ARID1B: variants seen among roughly 807,000 people sequenced by gnomAD.
The protein encoded by ARID1B is AT-rich interactive domain-containing protein 1B.
A neutral mutation model predicts 212.3 loss-of-function variants in ARID1B; 30 were observed. The ratio of observed to expected loss-of-function variants is 0.14; its 90% CI spans 0.11 to 0.19. The LOEUF (loss-of-function observed/expected upper bound fraction) is 0.19. ARID1B is among the 10% of genes least tolerant of loss of function. ARID1B has a pLI of 1.00. For synonymous variants in ARID1B, 1,402 were observed against 1,301.7 expected, an observed-to-expected ratio of 1.08 and a Z score of -1.66; for missense variants, 2,891 against 3,204.0, an observed-to-expected ratio of 0.90 and a Z score of 2.36.
chr6:156,838,924 A>T (rs1055395568), intron 2 of ARID1B, among the ~76,000 whole-genome samples: 2 of 152,098 alleles, frequency 1.3e-5, no homozygotes, highest in Non-Finnish European at 2.9e-5. Flanking sequence ...TTAGTATATT[A>T]CCTTGAGATT....
At chr6:157,188,134 A>C (rs1027802834) in intron 13 of ARID1B, among the ~76,000 whole-genome samples, 4 of 151,746 alleles carry the variant, frequency 2.6e-5, no homozygotes, top group African/African-American at 9.7e-5. Flanking sequence ...TGTATAACAA[A>C]CCCCCATGAC....
Position 156,955,936 on chromosome 6 carries a change from C to T in ARID1B, c.2247+20360C>T, listed in dbSNP as rs1793941607. Among the ~76,000 whole-genome samples the T allele has an allele frequency of 1.3e-5, 2 of 152,166 alleles. No individual in the cohort carries two copies. Among genetic ancestry groups the T allele is most frequent in the African/African-American group, 2.4e-5 (1 of 41,442 alleles). ...AAGCCGCGCCTGTTCTATTTCCTCACCTTCCTGTGTTCATCTGTGTATCTG... is the reference window on the plus strand; with the variant it reads ...AAGCCGCGCCTGTTCTATTTCCTCATCTTCCTGTGTTCATCTGTGTATCTG... On this transcript the variant is annotated intron_variant, in intron 4 of 19. Coordinates refer to ENST00000636930, the MANE Select transcript of ARID1B (RefSeq NM_001374828.1). This position sits in a 1 kb window ranked among gnomAD's most constrained non-coding sequence, Gnocchi z 4.2.
intron 2 of ARID1B, among the ~76,000 whole-genome samples, chr6:156,845,264 C>T (rs368815035): frequency 2.5e-4 from 38 of 152,332 alleles, no homozygotes; most frequent in African/African-American, 7.0e-4. Flanking sequence ...AGCCACCTGC[C>T]GCATTCTGCA....
intron 6 of ARID1B, among the ~76,000 whole-genome samples, chr6:157,117,329 T>G (rs559945386): frequency 6.6e-6 from 1 of 152,370 alleles, no homozygotes; most frequent in East Asian, 1.9e-4. Context: ...GCTGCTTCTG[T>G]TATTAACCCC....
At chr6:156,954,662 TTTTG>T (rs1465791976) in intron 4 of ARID1B, among the ~76,000 whole-genome samples, 1 of 152,204 alleles carries the variant, frequency 6.6e-6, no homozygotes, top group East Asian at 1.9e-4. Flanking sequence ...GAACTGTTTT[TTTTG>T]TTTGTTTTTT....
chr6:157,099,916 A>G (rs1296092881), intron 5 of ARID1B, among the ~76,000 whole-genome samples: 1 of 152,160 alleles, frequency 6.6e-6, no homozygotes, highest in Non-Finnish European at 1.5e-5. Flanking sequence ...GCTCGGGAGT[A>G]TCCAAGTCAG....
At chr6:156,979,658 A>G (rs11156125) in intron 4 of ARID1B, among the ~76,000 whole-genome samples, 28,973 of 151,356 alleles carry the variant, frequency 0.19, 3,057 homozygotes, top group East Asian at 0.4. Context: ...CCCAGGTTCA[A>G]GCGATTCTCC....
upstream of ARID1B, chr6:156,776,640 G>A (rs1033597506): frequency 3.3e-5 from 5 of 152,248 alleles, no homozygotes; most frequent in Non-Finnish European, 7.3e-5. Context: ...CCAAGTGCAT[G>A]TAAGAAAAAT....
At chr6:156,784,753 C>T (rs1430092527) in intron 1 of ARID1B, among the ~76,000 whole-genome samples, 1 of 152,054 alleles carries the variant, frequency 6.6e-6, no homozygotes. Context: ...TCTTTCCTTA[C>T]ATTTAGTTAT....
intron 3 of ARID1B, among the ~76,000 whole-genome samples, chr6:156,924,394 T>C (rs1186781675): frequency 6.6e-6 from 1 of 152,244 alleles, no homozygotes; most frequent in Admixed American, 6.5e-5. Context: ...GTTTACAGCT[T>C]CTCTTTGGCT....
chr6:156,877,051 G>A (rs1423332433), intron 2 of ARID1B, among the ~76,000 whole-genome samples: 1 of 151,962 alleles, frequency 6.6e-6, no homozygotes, highest in African/African-American at 2.4e-5. Flanking sequence ...CTATATATGT[G>A]TGTAGATGCA....
At chr6:157,084,250 G>GA (rs1037713822) in intron 4 of ARID1B, among the ~76,000 whole-genome samples, 2 of 151,098 alleles carry the variant, frequency 1.3e-5, no homozygotes, top group African/African-American at 4.9e-5. Context: ...GTCAAATTCT[G>GA]AAAAAAAGGA....
chr6:157,189,597 A>T (rs926947776), intron 13 of ARID1B, 45 bp from the exon 14 acceptor site: 2 of 1,563,530 alleles, frequency 1.3e-6, no homozygotes, highest in South Asian at 1.2e-5. Context: ...CTTACTTGAT[A>T]ATCTCTGGAT....
At chr6:156,924,993 G>T (rs530601206) in intron 3 of ARID1B, among the ~76,000 whole-genome samples, 2 of 152,174 alleles carry the variant, frequency 1.3e-5, no homozygotes, top group African/African-American at 4.8e-5. Context: ...CTCATTCTGA[G>T]CCCACTGTTA....
chr6:157,083,720 T>G (rs1169255563), intron 4 of ARID1B, among the ~76,000 whole-genome samples: 1 of 152,202 alleles, frequency 6.6e-6, no homozygotes, highest in African/African-American at 2.4e-5. Flanking sequence ...AAAACTGGTA[T>G]TAAAAAGTAA....
At chr6:157,058,376 T>C (rs1394848931) in intron 4 of ARID1B, among the ~76,000 whole-genome samples, 2 of 151,734 alleles carry the variant, frequency 1.3e-5, no homozygotes, top group African/African-American at 4.8e-5. Flanking sequence ...GCGATTCTCC[T>C]GCCTCAGCCT....
At chr6:157,077,950 A>G (rs1418797729) in intron 4 of ARID1B, among the ~76,000 whole-genome samples, 1 of 152,160 alleles carries the variant, frequency 6.6e-6, no homozygotes, top group Non-Finnish European at 1.5e-5. Context: ...ACTTTTTTAT[A>G]AAGCTTTAAT....
At chr6:156,900,950 C>T (rs1365186462) in intron 2 of ARID1B, among the ~76,000 whole-genome samples, 2 of 152,188 alleles carry the variant, frequency 1.3e-5, no homozygotes, top group East Asian at 3.8e-4. Flanking sequence ...CAAACATACA[C>T]AAGAAAGCAC....
At chr6:156,901,296 TTGC>T in intron 2 of ARID1B, 77 bp from the exon 3 acceptor site, 3 of 1,534,848 alleles carry the variant, frequency 2.0e-6, no homozygotes, top group Non-Finnish European at 2.7e-6. Flanking sequence ...CCCCTTCATG[TTGC>T]TGAATTGAAA....
Sources: allele counts gnomAD v4.1 joint callset (sites outside exome capture counted in the v4.1 genomes callset), GRCh38; gene constraint gnomAD v4.1.1; non-coding constraint Gnocchi (gnomAD v3.1); transcripts MANE v1.5; gene names NCBI Gene and HGNC (gene_info 2026-07-23, HGNC 2026-07-21).